Variants in USP6 observed in about 807,000 individuals in gnomAD.
USP6 encodes the protein ubiquitin carboxyl-terminal hydrolase 6.
A neutral mutation model predicts 175.7 loss-of-function variants in USP6; 128 were observed. The ratio of observed to expected loss-of-function variants is 0.73; its 90% CI spans 0.63 to 0.84. USP6 has a LOEUF of 0.84. USP6 is among the 40% of genes least tolerant of loss of function. USP6 has a pLI of 0.00. For missense variants in USP6, 1,498 were observed against 1,760.3 expected (o/e 0.85, Z 2.67); for synonymous variants, 562 against 630.6 (o/e 0.89, Z 1.63).
At chr17:5,138,567 T>C (rs2073337560) in intron 21 of USP6, among the ~76,000 whole-genome samples, 1 of 151,866 alleles carries the variant, frequency 6.6e-6, no homozygotes, top group Non-Finnish European at 1.5e-5. Context: ...GCCCTCAAAG[T>C]TACTAGATGA....
In USP6 at chr17:5,145,501, A is replaced by G. The variant is rs1217528521; in HGVS notation, c.2089A>G (p.Ile697Val). Reference protein sequence around the residue: ...SQVKCKTCGHISVRFDPFNFL... With the variant: ...SQVKCKTCGHVSVRFDPFNFL... ...AGTCAAATGCAAGACATGTGGGCAT[A>G]TAAGTGTCCGATTTGACCCTTTCAA... is the stretch of plus-strand genomic sequence containing the variant. The change falls in exon 27 of 38, where the codon ATA becomes GTA. Residue 697 changes from isoleucine (I) to valine (V), a missense_variant. Around this residue, in one of 2 missense-constraint regions of USP6, gnomAD observed 1,217 missense variants for 1,500.8 expected, o/e 0.81. Transcript: ENST00000574788. 3.9e-5 allele frequency: 63 copies of G among 1,612,954 alleles called. No individual in the cohort carries two copies. Among genetic ancestry groups the G allele is most frequent in the Admixed American group, 8.4e-5 (5 of 59,810 alleles).
Position 5,145,598 on chromosome 17 carries a change from A to C in USP6, c.2167+19A>C. 3.2e-6 allele frequency: 5 copies of C among 1,552,148 alleles called. No individual in the cohort carries two copies. The highest frequency in any genetic ancestry group is 2.6e-6 in the Non-Finnish European group (3 of 1,151,406). The stretch of plus-strand genomic sequence containing the variant: ...ATAACAGGTAGGTCACAAAGTTCTG[A>C]AAAATTACTTGATTCCATTAAATTT... On this transcript the variant is annotated intron_variant, in intron 27 of 37. Transcript: ENST00000574788.
intron 15 of USP6, 190 bp downstream of exon 15, chr17:5,134,186 CAT>C (rs1421414318): frequency 3.2e-6 from 2 of 616,236 alleles, no homozygotes; most frequent in African/African-American, 1.9e-5. Context: ...CAGGCTGGAA[CAT>C]GTGGGGCCAG....
At chr17:5,125,661 CGCACACACACGCACAT>C (rs1461818327) in intron 5 of USP6, among the ~76,000 whole-genome samples, 144 bp from the exon 6 acceptor site, 12 of 60,726 alleles carry the variant, frequency 2.0e-4, no homozygotes, top group Non-Finnish European at 3.5e-4. Context: ...CACACAAACA[CGCACACACACGCACAT>C]GCACACACAC....
chr17:5,118,017 C>T (rs117535720), intron 1 of USP6, among the ~76,000 whole-genome samples, 183 bp from the exon 2 acceptor site: 9,530 of 148,880 alleles, frequency 0.064, 375 homozygotes, highest in East Asian at 0.16. Flanking sequence ...TGAAGTGGGC[C>T]GAGATCATGC....
chr17:5,136,832 C>A, intron 18 of USP6, 98 bp downstream of exon 18: 1 of 1,530,616 alleles, frequency 6.5e-7, no homozygotes, highest in Non-Finnish European at 9.0e-7. Flanking sequence ...TGGTGACTGG[C>A]GGAGTCCCAG....
chr17:5,136,092 C>A (rs923129194), intron 17 of USP6, among the ~76,000 whole-genome samples, 164 bp downstream of exon 17: 1 of 152,228 alleles, frequency 6.6e-6, no homozygotes, highest in Non-Finnish European at 1.5e-5. Flanking sequence ...CGCAGCTGAC[C>A]CCCACAACCC....
intron 33 of USP6, among the ~76,000 whole-genome samples, chr17:5,167,611 A>C (rs1448901319): frequency 6.6e-6 from 1 of 152,046 alleles, no homozygotes; most frequent in Admixed American, 6.6e-5. Context: ...TCCCAGACTC[A>C]AGCAATCCTC....
intron 29 of USP6, among the ~76,000 whole-genome samples, chr17:5,147,781 T>C (rs546097713): frequency 6.6e-6 from 1 of 152,352 alleles, no homozygotes; most frequent in African/African-American, 2.4e-5. Context: ...ACTTCTGTGA[T>C]CTTTGCCATC....
At chr17:5,127,948 A>T (rs2072943664) in intron 7 of USP6, among the ~76,000 whole-genome samples, 1 of 152,242 alleles carries the variant, frequency 6.6e-6, no homozygotes, top group Admixed American at 6.5e-5. Flanking sequence ...CTGTTGGCTG[A>T]ATCCACAGTT....
chr17:5,138,840 G>C, intron 21 of USP6: 1 of 535,584 alleles, frequency 1.9e-6, no homozygotes, highest in Non-Finnish European at 3.2e-6. Context: ...GGCAGCCCAG[G>C]GGGGCAGAGG....
In USP6 at chr17:5,155,535, G is replaced by C; in HGVS notation, c.2757G>C (p.Ala919=). ...VHTRKKDLYD[A]VWIQVSWLAR... is the part of the protein sequence containing the mutation. ...CCCGGAAGAAAGACCTATATGATGC[G>C]GTTTGGATTCAAGTATCCTGGTTAG... is the stretch of plus-strand genomic sequence containing the variant. The change falls in exon 31 of 38, where the codon GCG becomes GCC. Residue 919 remains alanine (A), a synonymous_variant. Transcript: ENST00000574788. The C allele has an allele frequency of 6.2e-7, 1 of 1,613,982 alleles. No individual in the cohort carries two copies. Among genetic ancestry groups the C allele is most frequent in the South Asian group, 1.1e-5 (1 of 91,064 alleles).
At position 5,135,264 on chromosome 17, in the gene USP6, C is replaced by G; in HGVS notation, c.525C>G (p.Ala175=). Residue 175 remains alanine (A), a synonymous_variant, in exon 16 of 38, where the codon GCC becomes GCG. Transcript: ENST00000574788. ...KQRELFYILL[A]YSEYNPEVGY... is the part of the protein sequence containing the mutation. ...GGGAACTATTCTACATCCTCCTGGC[C>G]TATTCGGAGTATAACCCGGTGAGTA... The G allele has an allele frequency of 1.2e-6, 2 of 1,612,854 alleles. No individual in the cohort carries two copies. The highest frequency in any genetic ancestry group is 1.7e-6 in the Non-Finnish European group (2 of 1,179,134).
At chr17:5,155,789 CAGAG>C (rs1249300833) in intron 31 of USP6, among the ~76,000 whole-genome samples, 183 bp downstream of exon 31, 1 of 152,148 alleles carries the variant, frequency 6.6e-6, no homozygotes, top group African/African-American at 2.4e-5. Flanking sequence ...AAGAACCACT[CAGAG>C]AGCATACAAT....
rs878857958 is a variant in USP6, at chr17:5,132,815, G to A, written c.196-95G>A. Reference sequence around the variant, plus strand: ...CCCTTCCCTGGCTCCTTCCAGTTGGGTCCCACCAGGGCTCCAGAGCCCAAG... The same window carrying A: ...CCCTTCCCTGGCTCCTTCCAGTTGGATCCCACCAGGGCTCCAGAGCCCAAG... On this transcript the variant is annotated intron_variant, in intron 12 of 37. Coordinates refer to ENST00000574788, the MANE Select transcript of USP6 (RefSeq NM_001304284.2). This position sits in a 1 kb window ranked among gnomAD's most constrained non-coding sequence, Gnocchi z 4.7. The A allele has an allele frequency of 7.3e-5, 106 of 1,455,734 alleles. No individual in the cohort carries two copies. Among genetic ancestry groups the A allele is most frequent in the Non-Finnish European group, 9.2e-5 (95 of 1,037,108 alleles). The allele number at this position is 1,455,734 out of a possible 1,614,324, so 90.2% of individuals were successfully genotyped here.
intron 2 of USP6, among the ~76,000 whole-genome samples, chr17:5,119,536 A>G (rs1046027980): frequency 1.3e-5 from 2 of 152,190 alleles, no homozygotes; most frequent in African/African-American, 4.8e-5. Context: ...GGGCTGGGCC[A>G]TGCTTCCAGT....
At chr17:5,130,262 GA>G in intron 9 of USP6, 104 bp from the exon 10 acceptor site, 1 of 1,096,380 alleles carries the variant, frequency 9.1e-7, no homozygotes, top group Non-Finnish European at 1.4e-6. Context: ...GTGGTGGAAT[GA>G]AGGTTATACA....
At chr17:5,170,368 G>A in intron 35 of USP6, 111 bp from the exon 36 acceptor site, 1 of 1,479,562 alleles carries the variant, frequency 6.8e-7, no homozygotes, top group Non-Finnish European at 9.0e-7. Flanking sequence ...TGACTCCCCT[G>A]TCTTTACCTT....
intron 37 of USP6, 80 bp downstream of exon 37, chr17:5,171,759 T>C (rs2074223093): frequency 7.1e-7 from 1 of 1,416,716 alleles, no homozygotes; most frequent in African/African-American, 1.4e-5. Context: ...GGACTATCTC[T>C]TGAATAGGAA....
Sources: allele counts gnomAD v4.1 joint callset (sites outside exome capture counted in the v4.1 genomes callset), GRCh38; gene constraint gnomAD v4.1.1; regional missense constraint gnomAD v4.1.1; non-coding constraint Gnocchi (gnomAD v3.1); transcripts MANE v1.5; gene names NCBI Gene and HGNC (gene_info 2026-07-23, HGNC 2026-07-21).